GPC5: variants seen among roughly 807,000 people sequenced by gnomAD.
GPC5 encodes glypican-5.
A neutral mutation model predicts 53.9 loss-of-function variants in GPC5; 47 were observed. That is an observed-to-expected ratio of 0.87 (90% confidence interval 0.69 to 1.11). The LOEUF is 1.11. GPC5 is among the 50% of genes most tolerant of loss of function. GPC5 has a pLI of 0.00. For synonymous variants in GPC5, 286 were observed against 263.3 expected (o/e 1.09, Z -0.84); for missense variants, 748 against 713.1 (o/e 1.05, Z -0.56).
intron 7 of GPC5, among the ~76,000 whole-genome samples, chr13:92,552,035 A>C (rs1026495386): frequency 6.6e-6 from 1 of 151,932 alleles, no homozygotes; most frequent in African/African-American, 2.4e-5. Context: ...AAAATGAGAA[A>C]TCTCCAAAAA....
chr13:92,617,919 T>G (rs1296734362), intron 7 of GPC5, among the ~76,000 whole-genome samples: 2 of 152,184 alleles, frequency 1.3e-5, no homozygotes, highest in African/African-American at 4.8e-5. Context: ...ATGTGCCATG[T>G]TGGTGTGCTG....
chr13:92,704,789 A>G (rs1999859), intron 7 of GPC5, among the ~76,000 whole-genome samples: 47,836 of 151,022 alleles, frequency 0.32, 8,718 homozygotes, highest in East Asian at 0.68. Flanking sequence ...GAGTATATAT[A>G]TATACATATA....
chr13:92,112,546 C>A (rs1467784471), intron 6 of GPC5, among the ~76,000 whole-genome samples: 1 of 152,078 alleles, frequency 6.6e-6, no homozygotes, highest in Non-Finnish European at 1.5e-5. Flanking sequence ...ATTGCATAAT[C>A]ATTGGTGAGC....
chr13:92,094,044 A>G (rs2041401397), intron 6 of GPC5, among the ~76,000 whole-genome samples: 1 of 152,200 alleles, frequency 6.6e-6, no homozygotes, highest in South Asian at 2.1e-4. Flanking sequence ...CTATCATTTG[A>G]GTTTTAATTA....
At chr13:91,645,368 G>T (rs1395786819) in intron 2 of GPC5, among the ~76,000 whole-genome samples, 1 of 152,072 alleles carries the variant, frequency 6.6e-6, no homozygotes, top group African/African-American at 2.4e-5. Flanking sequence ...TAGTGATGTG[G>T]TCTTGACTTT....
Position 92,550,282 on chromosome 13 carries a change from C to T in GPC5, c.1562-316000C>T, listed in dbSNP as rs149019446. Among the ~76,000 whole-genome samples the T allele has an allele frequency of 4.0e-3, 600 of 151,856 alleles. 7 individuals carry two copies. Among genetic ancestry groups the T allele is most frequent in the African/African-American group, 0.014 (584 of 41,516 alleles). ...AAGAAGGAAGCATTATTATCCAGGTCAACAACCTACATTATTCATTAAATT... is the reference window on the plus strand; with the variant it reads ...AAGAAGGAAGCATTATTATCCAGGTTAACAACCTACATTATTCATTAAATT... On this transcript the variant is annotated intron_variant, in intron 7 of 7. Transcript: ENST00000377067.
intron 5 of GPC5, among the ~76,000 whole-genome samples, chr13:91,794,432 C>A (rs2038016616): frequency 6.6e-6 from 1 of 152,178 alleles, no homozygotes; most frequent in Non-Finnish European, 1.5e-5. Context: ...ATTCTAACAC[C>A]TATAAACCTC....
intron 5 of GPC5, among the ~76,000 whole-genome samples, chr13:91,817,109 G>A (rs1260737345): frequency 6.6e-6 from 1 of 152,084 alleles, no homozygotes; most frequent in Non-Finnish European, 1.5e-5. Flanking sequence ...GCACTTCATA[G>A]GAATGCCAGT....
At chr13:91,642,549 GA>G (rs2034455327) in intron 2 of GPC5, among the ~76,000 whole-genome samples, 1 of 152,134 alleles carries the variant, frequency 6.6e-6, no homozygotes, top group South Asian at 2.1e-4. Context: ...AGCCACCACA[GA>G]AAGGTCTATA....
intron 2 of GPC5, among the ~76,000 whole-genome samples, chr13:91,520,425 AT>A (rs1412472672): frequency 6.6e-6 from 1 of 152,152 alleles, no homozygotes; most frequent in Admixed American, 6.5e-5. Flanking sequence ...AATAAAGTAG[AT>A]TACACTTCAT....
At chr13:91,484,916 G>A (rs1162214172) in intron 2 of GPC5, among the ~76,000 whole-genome samples, 2 of 152,224 alleles carry the variant, frequency 1.3e-5, no homozygotes, top group Non-Finnish European at 2.9e-5. Flanking sequence ...ACTCTTTTGA[G>A]AAAGTGTCTC....
At chr13:91,620,825 A>G (rs2033834266) in intron 2 of GPC5, among the ~76,000 whole-genome samples, 1 of 152,094 alleles carries the variant, frequency 6.6e-6, no homozygotes, top group African/African-American at 2.4e-5. Flanking sequence ...GGGCATAGCT[A>G]TTGCTCTGCA....
chr13:91,627,901 A>G (rs1417190712), intron 2 of GPC5, among the ~76,000 whole-genome samples: 3 of 152,140 alleles, frequency 2.0e-5, no homozygotes, highest in Admixed American at 6.6e-5. Context: ...GAACAAGTAA[A>G]TGTTTACCAC....
chr13:92,297,160 A>G (rs2043042443), intron 7 of GPC5, among the ~76,000 whole-genome samples: 2 of 152,218 alleles, frequency 1.3e-5, no homozygotes, highest in Admixed American at 6.5e-5. Context: ...GAGTCTTTAT[A>G]TGTAGCTCAG....
At chr13:91,761,038 C>T (rs1241982451) in intron 5 of GPC5, among the ~76,000 whole-genome samples, 2 of 152,138 alleles carry the variant, frequency 1.3e-5, no homozygotes. Flanking sequence ...CATTACAAAA[C>T]AACATTGTTC....
intron 6 of GPC5, among the ~76,000 whole-genome samples, chr13:92,058,736 G>T (rs1338334467): frequency 1.3e-5 from 2 of 152,042 alleles, no homozygotes; most frequent in East Asian, 3.9e-4. Context: ...TAGAGATGGG[G>T]TTTTGCCAGG....
intron 6 of GPC5, among the ~76,000 whole-genome samples, chr13:91,964,833 G>T (rs922586080): frequency 6.6e-6 from 1 of 151,984 alleles, no homozygotes; most frequent in Non-Finnish European, 1.5e-5. Context: ...GGAACCAACC[G>T]AAATGTCCAT....
At chr13:91,969,832 G>A (rs1394201596) in intron 6 of GPC5, among the ~76,000 whole-genome samples, 1 of 152,006 alleles carries the variant, frequency 6.6e-6, no homozygotes, top group East Asian at 1.9e-4. Context: ...ACATTGGTTG[G>A]GATATCTGTT....
At chr13:92,519,838 G>A (rs780375167) in intron 7 of GPC5, among the ~76,000 whole-genome samples, 1 of 152,074 alleles carries the variant, frequency 6.6e-6, no homozygotes, top group African/African-American at 2.4e-5. Context: ...ATGAATCCAG[G>A]ATCTGTTTTT....
Sources: gnomAD v4.1 joint callset for allele counts (sites outside exome capture counted in the v4.1 genomes callset) on GRCh38, gnomAD v4.1.1 for gene constraint, MANE v1.5 for transcripts, NCBI Gene and HGNC (gene_info 2026-07-23, HGNC 2026-07-21) for gene names.